The following DNAJC17 variants were observed in gnomAD, a reference collection of about 807,000 sequenced individuals.
DNAJC17 encodes DnaJ heat shock protein family (Hsp40) member C17, also known as dnaJ homolog subfamily C member 17.
A neutral mutation model predicts 48.1 loss-of-function variants in DNAJC17; 35 were observed. That is an observed-to-expected ratio of 0.73 (90% CI 0.56 to 0.96). The LOEUF (loss-of-function observed/expected upper bound fraction) is 0.96, where lower values mean the gene tolerates loss of function less well. DNAJC17 is among the 50% of genes least tolerant of loss of function. The pLI, the probability that DNAJC17 is intolerant of heterozygous loss-of-function variation, is 0.00. For missense variants in DNAJC17, 355 were observed against 377.1 expected (o/e 0.94, Z 0.48); for synonymous variants, 117 against 142.7 (o/e 0.82, Z 1.28).
At chr15:40,792,895 CTTTT>C (rs563611021) in intron 1 of DNAJC17, among the ~76,000 whole-genome samples, 1 of 126,300 alleles carries the variant, frequency 7.9e-6, no homozygotes. Context: ...AAGATCCCTT[CTTTT>C]TTTTTTTTTT....
intron 1 of DNAJC17, among the ~76,000 whole-genome samples, chr15:40,789,556 T>G (rs1040946900): frequency 4.0e-5 from 6 of 151,888 alleles, no homozygotes; most frequent in African/African-American, 1.5e-4. Flanking sequence ...AGCTTGTAGA[T>G]TCTCATGCCC....
intron 6 of DNAJC17, 70 bp downstream of exon 6, chr15:40,776,126 G>T: frequency 6.8e-7 from 1 of 1,472,694 alleles, no homozygotes; most frequent in Non-Finnish European, 9.4e-7. Flanking sequence ...CCACCGAACA[G>T]CCAGTGTGGC....
intron 1 of DNAJC17, among the ~76,000 whole-genome samples, chr15:40,803,724 C>T (rs897905268): frequency 6.6e-6 from 1 of 151,868 alleles, no homozygotes; most frequent in African/African-American, 2.4e-5. Context: ...TTAAGGAACT[C>T]ACCATGTCTC....
In DNAJC17 at chr15:40,766,046, G is replaced by A. The variant is rs1888941143; in HGVS notation, c.*1894C>T. 1 of 481,822 alleles carries A rather than the reference G, an allele frequency of 2.1e-6. No homozygotes were observed. Among genetic ancestry groups the A allele is most frequent in the Non-Finnish European group, 3.8e-6 (1 of 264,668 alleles). 29.8% of individuals were successfully genotyped at this position (481,822 alleles called of 1,614,324 possible). ...CAGAGCCCCCTGCCTGCATCCTGGG[G>A]CTCTGTTCTCCGGAGGAGTTGGTCC... On this transcript the variant is annotated 3_prime_UTR_variant, in exon 11 of 11. Transcript: ENST00000220496.
chr15:40,779,434 G>A (rs1596081205), intron 3 of DNAJC17, 111 bp downstream of exon 3: 1 of 1,559,788 alleles, frequency 6.4e-7, no homozygotes, highest in East Asian at 2.2e-5. Flanking sequence ...GGTCTCCTGG[G>A]CTTAGACAGC....
intron 5 of DNAJC17, 56 bp from the exon 6 acceptor site, chr15:40,776,348 T>A: frequency 6.3e-7 from 1 of 1,578,212 alleles, no homozygotes; most frequent in Non-Finnish European, 8.7e-7. Flanking sequence ...CCAGGCTGGC[T>A]CACCTTGTAA....
At chr15:40,774,858 A>T (rs1889272807) in intron 8 of DNAJC17, 173 bp downstream of exon 8, 1 of 685,882 alleles carries the variant, frequency 1.5e-6, no homozygotes, top group Admixed American at 2.7e-5. Flanking sequence ...CACAAGTGAA[A>T]GCAAGGCTGT....
chr15:40,768,165 G>C (rs1397243785), intron 10 of DNAJC17, 103 bp from the exon 11 acceptor site: 3 of 1,381,356 alleles, frequency 2.2e-6, no homozygotes, highest in African/African-American at 3.0e-5. Context: ...AAGAGTCTCG[G>C]AGGGAGGACG....
At chr15:40,787,151 A>G (rs1889662953) in intron 1 of DNAJC17, among the ~76,000 whole-genome samples, 1 of 152,162 alleles carries the variant, frequency 6.6e-6, no homozygotes, top group African/African-American at 2.4e-5. Context: ...TGGTCTAGAG[A>G]AACAGATAAG....
In DNAJC17 at chr15:40,770,796, G is replaced by A; in HGVS notation, c.793-2734C>T. 6.5e-7 allele frequency: 1 copy of A among 1,549,012 alleles called. No homozygotes were observed. The highest frequency in any genetic ancestry group is 8.7e-7 in the Non-Finnish European group (1 of 1,146,902). ...CCCCAACATCCTGGAGCCCCCACCT[G>A]CCTACACAGCAGCCTACTCTGCCAC... On this transcript the variant is annotated intron_variant, in intron 10 of 10. Coordinates refer to ENST00000220496, the MANE Select transcript of DNAJC17 (RefSeq NM_018163.3). The surrounding 1 kb of genome is among the most constrained non-coding windows in gnomAD (Gnocchi z 5.0).
At chr15:40,777,157 C>T (rs1191091551) in intron 4 of DNAJC17, among the ~76,000 whole-genome samples, 2 of 152,106 alleles carry the variant, frequency 1.3e-5, no homozygotes, top group Non-Finnish European at 1.5e-5. Context: ...TGTGTGAGGG[C>T]GTTACCTTCC....
At chr15:40,803,075 G>A (rs1010833282) in intron 1 of DNAJC17, among the ~76,000 whole-genome samples, 4 of 149,786 alleles carry the variant, frequency 2.7e-5, no homozygotes, top group African/African-American at 2.5e-5. Flanking sequence ...TGACTCCAGC[G>A]TGGGTAACAC....
Position 40,775,036 on chromosome 15 carries a change from G to A in DNAJC17, c.595C>T (p.Gln199Ter). 1.2e-6 allele frequency: 2 copies of A among 1,614,164 alleles called. No homozygotes were observed. Among genetic ancestry groups the A allele is most frequent in the South Asian group, 1.1e-5 (1 of 91,090 alleles). ...TGGACGTCAACAGGGCCGACCTTCT[G>A]CAAAAGCCGTAGGAGGACGTCTTTG... The part of the protein sequence containing the change: ...YSKDVLLRLL[Q>*]KYGEVLNLVL... The change falls in exon 8 of 11, where the codon CAG becomes TAG. Residue 199 changes from glutamine (Q) to a stop codon, truncating the protein, a stop_gained. Coordinates refer to ENST00000220496, the MANE Select transcript of DNAJC17 (RefSeq NM_018163.3). LOFTEE classifies it high-confidence loss of function.
chr15:40,790,277 G>A (rs1049333193), intron 1 of DNAJC17, among the ~76,000 whole-genome samples: 3 of 152,116 alleles, frequency 2.0e-5, no homozygotes, highest in Non-Finnish European at 4.4e-5. Flanking sequence ...AAGAGGAGTA[G>A]AAAATTCAGG....
chr15:40,803,170 G>A (rs1197072313), intron 1 of DNAJC17, among the ~76,000 whole-genome samples: 5 of 147,548 alleles, frequency 3.4e-5, no homozygotes, highest in Admixed American at 1.3e-4. Context: ...AAAAAATCAC[G>A]CATGATTTTC....
In DNAJC17 at chr15:40,765,775, T is replaced by C. The variant is rs1888933436; in HGVS notation, c.*2165A>G. 9.8e-6 allele frequency: 9 copies of C among 914,682 alleles called. No homozygotes were observed. The South Asian group carries it at 1.5e-4, about 15-fold the overall frequency. 56.7% of individuals were successfully genotyped at this position (914,682 alleles called of 1,614,324 possible). On this transcript the variant is annotated 3_prime_UTR_variant, in exon 11 of 11. Coordinates refer to ENST00000220496, the MANE Select transcript of DNAJC17 (RefSeq NM_018163.3). Reference sequence around the variant, plus strand: ...CAGGGGAGGAAGGACAGGCAAGACCTTCCACCTCCTCCTGGCAGCCAGCCA... The same window carrying C: ...CAGGGGAGGAAGGACAGGCAAGACCCTCCACCTCCTCCTGGCAGCCAGCCA...
intron 1 of DNAJC17, chr15:40,792,462 T>C: frequency 1.0e-6 from 1 of 985,342 alleles, no homozygotes; most frequent in Non-Finnish European, 1.2e-6. Context: ...CCTGCCAAGA[T>C]GAATGAGCTA....
Position 40,767,109 on chromosome 15 carries a change from C to T in DNAJC17, c.*831G>A. ...TGCACTTACCCCAGCGCCCAGCAAG[C>T]AGCCAGCAAGTGTGAGTCACTACAA... is the stretch of plus-strand genomic sequence containing the variant. On this transcript the variant is annotated 3_prime_UTR_variant, in exon 11 of 11. Transcript: ENST00000220496. 9.1e-7 allele frequency: 1 copy of T among 1,100,770 alleles called. No homozygotes were observed. Among genetic ancestry groups the T allele is most frequent in the Non-Finnish European group, 1.2e-6 (1 of 812,480 alleles). 68.2% of individuals were successfully genotyped at this position (1,100,770 alleles called of 1,614,324 possible).
intron 10 of DNAJC17, 109 bp from the exon 11 acceptor site, chr15:40,768,171 G>A (rs994094728): frequency 5.9e-6 from 8 of 1,356,820 alleles, no homozygotes; most frequent in Middle Eastern, 2.6e-4. Context: ...CTCGGAGGGA[G>A]GACGGCAGAG....
Sources: gnomAD v4.1 joint callset for allele counts (sites outside exome capture counted in the v4.1 genomes callset) on GRCh38, gnomAD v4.1.1 for gene constraint, Gnocchi (gnomAD v3.1) non-coding constraint, MANE v1.5 for transcripts, NCBI Gene and HGNC (gene_info 2026-07-23, HGNC 2026-07-21) for gene names.